The following KCNT2 variants were observed in gnomAD, a reference collection of about 807,000 sequenced individuals.
The protein encoded by KCNT2 is potassium sodium-activated channel subfamily T member 2, also known as potassium channel subfamily T member 2.
A neutral mutation model predicts 153.8 loss-of-function variants in KCNT2; 67 were observed. The ratio of observed to expected loss-of-function variants is 0.44; its 90% CI spans 0.36 to 0.53. The LOEUF is 0.53. Among genes scored for constraint, KCNT2 ranks in the 20% least tolerant of loss-of-function variants. The probability of loss-of-function intolerance (pLI) is 0.00; values close to 1 mark genes in which losing one functional copy is unlikely to be tolerated. For synonymous variants in KCNT2, 500 were observed against 458.8 expected (o/e 1.09, Z -1.15); for missense variants, 975 against 1,354.8 (o/e 0.72, Z 4.40).
At chr1:196,523,777 T>A (rs1266371484) in intron 1 of KCNT2, among the ~76,000 whole-genome samples, 1 of 152,202 alleles carries the variant, frequency 6.6e-6, no homozygotes, top group African/African-American at 2.4e-5. Context: ...AATAAGCGAT[T>A]CAAATTAAAG....
chr1:196,504,371 C>G (rs1680953646), intron 1 of KCNT2, among the ~76,000 whole-genome samples: 1 of 151,832 alleles, frequency 6.6e-6, no homozygotes, highest in Non-Finnish European at 1.5e-5. Flanking sequence ...TACTGAGAAT[C>G]ATGATTTCCA....
chr1:196,373,005 G>T, intron 14 of KCNT2, 135 bp downstream of exon 14: 2 of 525,764 alleles, frequency 3.8e-6, no homozygotes, highest in East Asian at 6.7e-5. Context: ...ACCAGATAAA[G>T]ATAACTCACA....
At chr1:196,464,277 A>G (rs1677410720) in intron 8 of KCNT2, among the ~76,000 whole-genome samples, 1 of 151,920 alleles carries the variant, frequency 6.6e-6, no homozygotes, top group Admixed American at 6.6e-5. Flanking sequence ...ACACTAGGCG[A>G]TAAGATGGCT....
intron 13 of KCNT2, among the ~76,000 whole-genome samples, chr1:196,377,692 C>T (rs1430850259): frequency 6.6e-6 from 1 of 151,984 alleles, no homozygotes; most frequent in Non-Finnish European, 1.5e-5. Context: ...TTAAGTAGTA[C>T]ATTGTTTGCT....
chr1:196,529,037 A>G (rs1386862620), intron 1 of KCNT2, among the ~76,000 whole-genome samples: 1 of 152,128 alleles, frequency 6.6e-6, no homozygotes, highest in African/African-American at 2.4e-5. Context: ...AAATATCTTC[A>G]ATTTAAATAG....
At chr1:196,498,075 C>CT (rs371714206) in intron 1 of KCNT2, among the ~76,000 whole-genome samples, 149 of 151,988 alleles carry the variant, frequency 9.8e-4, no homozygotes, top group African/African-American at 3.5e-3. Flanking sequence ...TAATTTGATA[C>CT]TTTTTTTTCA....
intron 26 of KCNT2, among the ~76,000 whole-genome samples, chr1:196,254,287 T>C (rs147542741): frequency 6.6e-6 from 1 of 151,434 alleles, no homozygotes; most frequent in Non-Finnish European, 1.5e-5. Context: ...TCTGGAAATA[T>C]AGAATTATAC....
chr1:196,605,069 G>A (rs1311051918), intron 1 of KCNT2, among the ~76,000 whole-genome samples: 1 of 152,192 alleles, frequency 6.6e-6, no homozygotes, highest in East Asian at 1.9e-4. Context: ...TCATGTGCCA[G>A]TCAACTATGA....
At chr1:196,282,041 G>A (rs1231066415) in intron 24 of KCNT2, among the ~76,000 whole-genome samples, 1 of 151,894 alleles carries the variant, frequency 6.6e-6, no homozygotes, top group East Asian at 1.9e-4. Context: ...GAGCCTCCAC[G>A]CCTGGCCAAA....
At chr1:196,585,828 T>C (rs1389761658) in intron 1 of KCNT2, among the ~76,000 whole-genome samples, 1 of 152,194 alleles carries the variant, frequency 6.6e-6, no homozygotes, top group Non-Finnish European at 1.5e-5. Flanking sequence ...TTTAAAACTT[T>C]AGATACACTC....
At chr1:196,326,987 A>G in intron 18 of KCNT2, 98 bp from the exon 19 acceptor site, 1 of 669,766 alleles carries the variant, frequency 1.5e-6, no homozygotes, top group Non-Finnish European at 2.5e-6. Flanking sequence ...TAATTGAACA[A>G]TGTAAATCCT....
intron 8 of KCNT2, among the ~76,000 whole-genome samples, chr1:196,445,376 A>C (rs1414152681): frequency 6.6e-6 from 1 of 151,374 alleles, no homozygotes; most frequent in Non-Finnish European, 1.5e-5. Flanking sequence ...AATAGTCTCT[A>C]GTCAACATTT....
At chr1:196,407,222 G>T (rs1027212339) in intron 12 of KCNT2, among the ~76,000 whole-genome samples, 1 of 151,114 alleles carries the variant, frequency 6.6e-6, no homozygotes, top group Non-Finnish European at 1.5e-5. Context: ...ACATAGTCAC[G>T]ACCACACTAT....
At chr1:196,329,950 C>CATATATATATATATATATATATAT (rs71154737) in intron 18 of KCNT2, among the ~76,000 whole-genome samples, 3 of 73,528 alleles carry the variant, frequency 4.1e-5, no homozygotes, top group South Asian at 4.8e-4. Context: ...TTCCTCAAGA[C>CATATATATATATATATATATATAT]ATATATATAT....
chr1:196,590,552 C>G (rs1201119242), intron 1 of KCNT2, among the ~76,000 whole-genome samples: 3 of 152,164 alleles, frequency 2.0e-5, no homozygotes, highest in Non-Finnish European at 4.4e-5. Context: ...TAGCCTCATT[C>G]CTTTCTTCAC....
chr1:196,426,930 C>G (rs1270483929), intron 10 of KCNT2, among the ~76,000 whole-genome samples: 1 of 151,880 alleles, frequency 6.6e-6, no homozygotes, highest in Non-Finnish European at 1.5e-5. Flanking sequence ...TTACACGTGA[C>G]CATAAGTTTC....
chr1:196,291,491 G>T (rs1395288116), intron 22 of KCNT2, among the ~76,000 whole-genome samples: 1 of 151,842 alleles, frequency 6.6e-6, no homozygotes, highest in African/African-American at 2.4e-5. Flanking sequence ...GAAGAATTTG[G>T]ATTAATTTTA....
chr1:196,404,677 T>C (rs1043708295), intron 12 of KCNT2, among the ~76,000 whole-genome samples: 9 of 151,510 alleles, frequency 5.9e-5, no homozygotes, highest in African/African-American at 2.2e-4. Flanking sequence ...CTTGATCCCA[T>C]TGTATTCTGT....
chr1:196,562,146 T>C (rs1346898476), intron 1 of KCNT2, among the ~76,000 whole-genome samples: 2 of 151,982 alleles, frequency 1.3e-5, no homozygotes, highest in African/African-American at 4.8e-5. Context: ...CAACAAAATG[T>C]AGATTTTTCC....
Sources: allele counts gnomAD v4.1 joint callset (sites outside exome capture counted in the v4.1 genomes callset), GRCh38; gene constraint gnomAD v4.1.1; transcripts MANE v1.5; gene names NCBI Gene and HGNC (gene_info 2026-07-23, HGNC 2026-07-21).